Variants in TRAP1 observed in about 807,000 individuals in gnomAD.
TRAP1 encodes heat shock protein 75 kDa, mitochondrial.
In TRAP1, 102 loss-of-function variants were observed where a neutral mutation model predicts 89.1. That is an observed-to-expected ratio of 1.15 (90% CI 0.98 to 1.35). The LOEUF is 1.35. Ranked by LOEUF, TRAP1 falls within the 40% of genes most tolerant of loss-of-function variation. TRAP1 has a pLI of 0.00. For missense variants in TRAP1, 1,256 were observed against 945.3 expected, an observed-to-expected ratio of 1.33 and a Z score of -4.31; for synonymous variants, 508 against 388.0, an observed-to-expected ratio of 1.31 and a Z score of -3.64.
intron 1 of TRAP1, among the ~76,000 whole-genome samples, chr16:3,691,560 C>G (rs748170371): frequency 6.6e-6 from 1 of 152,088 alleles, no homozygotes. Context: ...ATTCGCCTCA[C>G]GGGTGACACC....
At chr16:3,686,616 C>T (rs752401180) in intron 3 of TRAP1, among the ~76,000 whole-genome samples, 12 of 152,106 alleles carry the variant, frequency 7.9e-5, no homozygotes, top group Admixed American at 2.0e-4. Flanking sequence ...GGTGCCTGGC[C>T]CTTTTCAGGA....
chr16:3,690,154 G>A (rs2051193845), intron 2 of TRAP1, among the ~76,000 whole-genome samples: 4 of 152,072 alleles, frequency 2.6e-5, no homozygotes, highest in Admixed American at 2.0e-4. Flanking sequence ...CCACTGGTGT[G>A]TGCTACCATG....
intron 10 of TRAP1, among the ~76,000 whole-genome samples, chr16:3,672,423 G>A (rs2050926156): frequency 6.6e-6 from 1 of 152,064 alleles, no homozygotes; most frequent in Non-Finnish European, 1.5e-5. Context: ...TCACTCAAAC[G>A]TAACACAACT....
chr16:3,680,931 T>C (rs1331841244), intron 4 of TRAP1, among the ~76,000 whole-genome samples: 2 of 152,128 alleles, frequency 1.3e-5, no homozygotes, highest in Admixed American at 6.5e-5. Context: ...CTGTAAGCAA[T>C]AGGGTTCTGT....
intron 11 of TRAP1, among the ~76,000 whole-genome samples, chr16:3,670,832 G>T (rs1039331593): frequency 6.6e-6 from 1 of 152,096 alleles, no homozygotes; most frequent in Non-Finnish European, 1.5e-5. Flanking sequence ...GCTGGGCATG[G>T]ACCCACCAGG....
At chr16:3,699,141 C>T (rs1596743223) in intron 1 of TRAP1, among the ~76,000 whole-genome samples, 1 of 152,224 alleles carries the variant, frequency 6.6e-6, no homozygotes, top group South Asian at 2.1e-4. Flanking sequence ...CCCCCCACAT[C>T]CCTACCCACT....
At chr16:3,702,732 G>A (rs1011957714) in intron 1 of TRAP1, among the ~76,000 whole-genome samples, 1 of 151,328 alleles carries the variant, frequency 6.6e-6, no homozygotes, top group Non-Finnish European at 1.5e-5. Context: ...GTGACAAAGT[G>A]AGACCCTGTC....
intron 11 of TRAP1, among the ~76,000 whole-genome samples, chr16:3,668,053 G>C (rs1021220880): frequency 1.3e-5 from 2 of 150,294 alleles, no homozygotes; most frequent in African/African-American, 2.4e-5. Context: ...TCAGCCTCCC[G>C]AGTGGCTGGG....
At chr16:3,704,566 C>A (rs1045444668) in intron 1 of TRAP1, among the ~76,000 whole-genome samples, 52 of 152,234 alleles carry the variant, frequency 3.4e-4, no homozygotes, top group African/African-American at 1.2e-3. Flanking sequence ...AATTTCCAGA[C>A]CAGGCATGGC....
rs372559499 is a variant in TRAP1 at position 3,676,384 on chromosome 16, G to A, written c.705-239C>T. The A allele has an allele frequency of 1.7e-3, 309 of 181,062 alleles. 4 individuals are homozygous for A. Among genetic ancestry groups the A allele is most frequent in the African/African-American group, 7.4e-3 (260 of 35,200 alleles). 11.2% of individuals were successfully genotyped at this position (181,062 alleles called of 1,614,324 possible). ...TCCCTCGGGCGGGGGGCGGGGGGGC[G>A]GGGGTCCTCCACCGACCCTGGGCTT... is the stretch of plus-strand genomic sequence containing the variant. On this transcript the variant is annotated intron_variant, in intron 6 of 17. Transcript: ENST00000246957.
At position 3,690,828 on chromosome 16, in the gene TRAP1, C is replaced by T; in HGVS notation, c.246G>A (p.Gln82=). ...HSIISSTESV[Q]GSTSKHEFQA... ...GACCAAAGCACGAGCCAAGGCTACC[C>T]TGCACGCTCTCTGTGCTGCTGATAA... Residue 82 remains glutamine, a splice_region_variant and synonymous_variant, in exon 2 of 18, where the codon CAG becomes CAA. Transcript: ENST00000246957. The T allele has an allele frequency of 6.8e-7, 1 of 1,474,924 alleles. No homozygotes were observed. The highest frequency in any genetic ancestry group is 9.0e-7 in the Non-Finnish European group (1 of 1,107,672). 91.4% of individuals were successfully genotyped at this position (1,474,924 alleles called of 1,614,324 possible).
chr16:3,677,264 C>T (rs977959304), intron 6 of TRAP1, among the ~76,000 whole-genome samples: 3 of 152,124 alleles, frequency 2.0e-5, no homozygotes, highest in South Asian at 2.1e-4. Flanking sequence ...CAGCGCGGGC[C>T]GGACCTGCCT....
At chr16:3,698,313 A>AG (rs931903396) in intron 1 of TRAP1, among the ~76,000 whole-genome samples, 7 of 151,472 alleles carry the variant, frequency 4.6e-5, no homozygotes, top group African/African-American at 1.7e-4. Context: ...AACTTTCCAC[A>AG]ACAACTTTTT....
At chr16:3,675,491 G>A in intron 7 of TRAP1, 94 bp from the exon 8 acceptor site, 1 of 1,237,182 alleles carries the variant, frequency 8.1e-7, no homozygotes, top group East Asian at 2.3e-5. Flanking sequence ...AGCCTGCTGG[G>A]AAGGGTCCTC....
intron 1 of TRAP1, among the ~76,000 whole-genome samples, chr16:3,707,633 C>T (rs1433128751): frequency 3.3e-5 from 5 of 150,762 alleles, no homozygotes; most frequent in Non-Finnish European, 5.9e-5. Flanking sequence ...GTGGGTGGAT[C>T]GCCTGAGGTC....
At chr16:3,697,035 G>A (rs1268350912) in intron 1 of TRAP1, among the ~76,000 whole-genome samples, 1 of 152,128 alleles carries the variant, frequency 6.6e-6, no homozygotes, top group Non-Finnish European at 1.5e-5. Context: ...CTAAGGTTAT[G>A]TATTTGAAGC....
intron 15 of TRAP1, chr16:3,662,679 G>A: frequency 1.4e-6 from 1 of 694,688 alleles, no homozygotes; most frequent in Non-Finnish European, 2.6e-6. Flanking sequence ...AGCAGGGCTG[G>A]GAGAAAGACA....
chr16:3,670,749 A>G (rs2050902255), intron 11 of TRAP1, among the ~76,000 whole-genome samples: 1 of 152,160 alleles, frequency 6.6e-6, no homozygotes, highest in South Asian at 2.1e-4. Flanking sequence ...AAAAAAGAAA[A>G]AAATCTCCAT....
chr16:3,672,918 T>TCCCGCCTCGCCCTCC, intron 9 of TRAP1, 98 bp from the exon 10 acceptor site: 1 of 1,451,050 alleles, frequency 6.9e-7, no homozygotes, highest in South Asian at 1.4e-5. Context: ...CAGAGCCCAC[T>TCCCGCCTCGCCCTCC]CCCGCCTCGC....
Sources: gnomAD v4.1 joint callset for allele counts (sites outside exome capture counted in the v4.1 genomes callset) on GRCh38, gnomAD v4.1.1 for gene constraint, MANE v1.5 for transcripts, NCBI Gene and HGNC (gene_info 2026-07-23, HGNC 2026-07-21) for gene names.